RBBP9: variants seen among roughly 807,000 people sequenced by gnomAD.
RBBP9 encodes serine hydrolase RBBP9.
Under a neutral mutation model 24.2 loss-of-function variants are expected in RBBP9, and 20 were observed. The observed-to-expected ratio is 0.83, with a 90% CI of 0.58 to 1.20. The LOEUF (loss-of-function observed/expected upper bound fraction) is 1.20, where lower values mean the gene tolerates loss of function less well. Ranked by LOEUF, RBBP9 falls within the 50% of genes most tolerant of loss-of-function variation. The probability of loss-of-function intolerance (pLI) is 0.00; values close to 1 mark genes in which losing one functional copy is unlikely to be tolerated. For missense variants in RBBP9, 234 were observed against 233.6 expected (o/e 1.00, Z -0.01); for synonymous variants, 74 against 84.6 (o/e 0.87, Z 0.69).
At chr20:18,490,094 G>A (rs1207320027) in intron 4 of RBBP9, 104 bp from the exon 5 acceptor site, 2 of 777,458 alleles carry the variant, frequency 2.6e-6, no homozygotes, top group South Asian at 1.9e-5. Flanking sequence ...AAGGAGCAGA[G>A]CCTCCGTGTG....
At chr20:18,495,743 G>T (rs749015659) in intron 2 of RBBP9, 95 bp downstream of exon 2, 12 of 1,256,004 alleles carry the variant, frequency 9.6e-6, no homozygotes, top group Admixed American at 1.9e-5. Flanking sequence ...GGCATCTTTG[G>T]TTCCTCCACT....
intron 4 of RBBP9, 34 bp from the exon 5 acceptor site, chr20:18,490,024 A>G: frequency 7.0e-7 from 1 of 1,419,156 alleles, no homozygotes. Context: ...TTCAGTACCC[A>G]TGGATAATCT....
Position 18,488,449 on chromosome 20 carries a change from A to G in RBBP9, c.*1315T>C, listed in dbSNP as rs1322746101. On this transcript the variant is annotated 3_prime_UTR_variant, in exon 5 of 5. Coordinates refer to ENST00000337227, the MANE Select transcript of RBBP9 (RefSeq NM_006606.3). ...CCTAGCTAATGTTTTAATATTTTGTAGAGATGGGGTCTTGCTGTGTTGCCC... is the reference window on the plus strand; with the variant it reads ...CCTAGCTAATGTTTTAATATTTTGTGGAGATGGGGTCTTGCTGTGTTGCCC... 6.6e-6 allele frequency: 1 copy of G among 152,358 alleles called. No homozygotes were observed. Among genetic ancestry groups the G allele is most frequent in the Non-Finnish European group, 1.5e-5 (1 of 68,192 alleles). The allele number at this position is 152,358 out of a possible 1,614,324, so 9.4% of individuals were successfully genotyped here. A position where few individuals can be genotyped will look rare whatever the true frequency, so the allele number is the denominator to read the frequency against.
chr20:18,496,914 T>C (rs1227394014), intron 1 of RBBP9, among the ~76,000 whole-genome samples, 155 bp downstream of exon 1: 1 of 152,022 alleles, frequency 6.6e-6, no homozygotes, highest in Non-Finnish European at 1.5e-5. Flanking sequence ...GACCACTAGC[T>C]CAGACTTTAA....
intron 3 of RBBP9, among the ~76,000 whole-genome samples, chr20:18,492,729 T>G (rs1383515688): frequency 6.6e-6 from 1 of 152,240 alleles, no homozygotes; most frequent in African/African-American, 2.4e-5. Flanking sequence ...TGGCATCCAT[T>G]TTTCTCCTTG....
At position 18,488,911 on chromosome 20, in the gene RBBP9, T is replaced by C. The variant is rs906269392; in HGVS notation, c.*853A>G. 3.9e-5 allele frequency: 6 copies of C among 152,092 alleles called. No individual in the cohort carries two copies. Among genetic ancestry groups the C allele is most frequent in the Non-Finnish European group, 8.8e-5 (6 of 68,034 alleles). 9.4% of individuals were successfully genotyped at this position (152,092 alleles called of 1,614,324 possible). Reference sequence around the variant, plus strand: ...GTAAATTTTTTGATGTATACTGTTATTGCCAACTTACATACTCCATATGTA... The same window carrying C: ...GTAAATTTTTTGATGTATACTGTTACTGCCAACTTACATACTCCATATGTA... On this transcript the variant is annotated 3_prime_UTR_variant, in exon 5 of 5. Coordinates refer to ENST00000337227, the MANE Select transcript of RBBP9 (RefSeq NM_006606.3).
In RBBP9 at chr20:18,495,845, G is replaced by T. The variant is rs142061709; in HGVS notation, c.135C>A (p.Pro45=). The part of the protein sequence containing the change: ...PGFQCLAKNM[P]DPITARESIW... ...AACAAGTTTAAAACTTACTTGGGTC[G>T]GGCATGTTTTTAGCCAAACACTGGA... is the stretch of plus-strand genomic sequence containing the variant. The change falls in exon 2 of 5, where the codon CCC becomes CCA. Residue 45 remains proline (P), a synonymous_variant. Transcript: ENST00000337227. 2 of 1,569,112 alleles carry T rather than the reference G, an allele frequency of 1.3e-6. No homozygotes were observed. The highest frequency in any genetic ancestry group is 4.5e-5 in the East Asian group (2 of 44,360).
chr20:18,495,753 TATG>T, intron 2 of RBBP9, 82 bp downstream of exon 2: 10 of 1,348,602 alleles, frequency 7.4e-6, no homozygotes, highest in Non-Finnish European at 1.1e-5. Context: ...GTTCCTCCAC[TATG>T]ATATTCTTGT....
chr20:18,493,944 A>C lies in RBBP9; in HGVS notation c.248+14T>G, dbSNP rs1193063456. On this transcript the variant is annotated intron_variant, in intron 3 of 4. Coordinates refer to ENST00000337227, the MANE Select transcript of RBBP9 (RefSeq NM_006606.3). ...GAGCCCACAAAGGGGATAGCAGTTT[A>C]ACAAAGATCGCACCTCATGGCCGCG... The C allele has an allele frequency of 1.3e-6, 2 of 1,588,446 alleles. No homozygotes were observed. The highest frequency in any genetic ancestry group is 1.7e-6 in the Non-Finnish European group (2 of 1,166,618).
At position 18,486,819 on chromosome 20, in the gene RBBP9, C is replaced by CAATGATGA. The variant is rs2148871899; in HGVS notation, c.*2937_*2944dup. On this transcript the variant is annotated 3_prime_UTR_variant, in exon 5 of 5. Coordinates refer to ENST00000337227, the MANE Select transcript of RBBP9 (RefSeq NM_006606.3). Reference sequence around the variant, plus strand: ...GAGTGTATAGAGGCCCCTGTATATTCAATGATGACCACAAAGAATCAAACA... The same window carrying CAATGATGA: ...GAGTGTATAGAGGCCCCTGTATATTCAATGATGAAATGATGACCACAAAGAATCAAACA... The CAATGATGA allele has an allele frequency of 6.6e-6, 1 of 152,176 alleles. No individual in the cohort carries two copies. Among genetic ancestry groups the CAATGATGA allele is most frequent in the East Asian group, 1.9e-4 (1 of 5,176 alleles). The allele number at this position is 152,176 out of a possible 1,614,324, so 9.4% of individuals were successfully genotyped here. A position where few individuals can be genotyped will look rare whatever the true frequency, so the allele number is the denominator to read the frequency against.
intron 3 of RBBP9, 73 bp downstream of exon 3, chr20:18,493,885 T>C: frequency 8.7e-7 from 1 of 1,149,566 alleles, no homozygotes; most frequent in Non-Finnish European, 1.3e-6. Context: ...AAATTTAAGA[T>C]ATACGCAAGG....
chr20:18,496,320 G>C (rs1306189020), intron 1 of RBBP9, among the ~76,000 whole-genome samples: 2 of 152,182 alleles, frequency 1.3e-5, no homozygotes, highest in African/African-American at 2.4e-5. Context: ...CAGCCACAGC[G>C]CTGCAATCTA....
chr20:18,494,958 G>A (rs1017444921), intron 2 of RBBP9, among the ~76,000 whole-genome samples: 2 of 152,344 alleles, frequency 1.3e-5, no homozygotes, highest in South Asian at 2.1e-4. Flanking sequence ...ATGCCCAGGT[G>A]CTTTCCTAAT....
intron 3 of RBBP9, among the ~76,000 whole-genome samples, chr20:18,492,900 C>T (rs1028427808): frequency 6.6e-6 from 1 of 152,176 alleles, no homozygotes; most frequent in Non-Finnish European, 1.5e-5. Context: ...GGAGCTCTTC[C>T]TTTTCCAGAC....
chr20:18,490,127 T>C (rs1318481645), intron 4 of RBBP9, 137 bp from the exon 5 acceptor site: 2 of 681,354 alleles, frequency 2.9e-6, no homozygotes, highest in African/African-American at 3.6e-5. Flanking sequence ...TTCTTTTGTT[T>C]TCAAATCTGT....
At chr20:18,492,268 C>A (rs1392600993) in intron 3 of RBBP9, among the ~76,000 whole-genome samples, 1 of 152,062 alleles carries the variant, frequency 6.6e-6, no homozygotes, top group African/African-American at 2.4e-5. Context: ...ATTCATTTTT[C>A]CCCAACTGTA....
At position 18,488,953 on chromosome 20, in the gene RBBP9, ATGTGTG is replaced by A. The variant is rs74180903; in HGVS notation, c.*805_*810del. 1 of 148,084 alleles carries A rather than the reference ATGTGTG, an allele frequency of 6.8e-6. No individual in the cohort carries two copies. Among genetic ancestry groups the A allele is most frequent in the Non-Finnish European group, 1.5e-5 (1 of 66,752 alleles). 9.2% of individuals were successfully genotyped at this position (148,084 alleles called of 1,614,324 possible). A position where few individuals can be genotyped will look rare whatever the true frequency, so the allele number is the denominator to read the frequency against. ...CCATATGTATATGGATTGTATGTGT[ATGTGTG>A]TGTGTGTGTGTGTATATATATATAT... On this transcript the variant is annotated 3_prime_UTR_variant, in exon 5 of 5. Coordinates refer to ENST00000337227, the MANE Select transcript of RBBP9 (RefSeq NM_006606.3).
chr20:18,496,823 C>G (rs1180323576), intron 1 of RBBP9, among the ~76,000 whole-genome samples: 4 of 152,124 alleles, frequency 2.6e-5, no homozygotes, highest in Non-Finnish European at 5.9e-5. Flanking sequence ...GGCTCAGCCT[C>G]GGTAGTTCAA....
Position 18,494,007 on chromosome 20 carries a change from C to A in RBBP9, c.199G>T (p.Glu67Ter). 10 of 1,613,604 alleles carry A rather than the reference C, an allele frequency of 6.2e-6. No homozygotes were observed. Among genetic ancestry groups the A allele is most frequent in the Non-Finnish European group, 8.5e-6 (10 of 1,179,904 alleles). Residue 67 changes from glutamate (E) to a stop codon, truncating the protein, a stop_gained, in exon 3 of 5, where the codon GAG becomes TAG. Coordinates refer to ENST00000337227, the MANE Select transcript of RBBP9 (RefSeq NM_006606.3). LOFTEE classifies it high-confidence loss of function. Reference sequence around the variant, plus strand: ...CTGTGGCCAATGATGATAGTCTTCTCATCACAGTGCAGCTCTGTCTCCATG... The same window carrying A: ...CTGTGGCCAATGATGATAGTCTTCTAATCACAGTGCAGCTCTGTCTCCATG... ...PFMETELHCDEKTIIIGHSSG... is the reference protein window; with the variant it reads ...PFMETELHCD
Sources: allele counts gnomAD v4.1 joint callset (sites outside exome capture counted in the v4.1 genomes callset), GRCh38; gene constraint gnomAD v4.1.1; transcripts MANE v1.5; gene names NCBI Gene and HGNC (gene_info 2026-07-23, HGNC 2026-07-21).